Variants in FRMD4A observed in about 807,000 individuals in gnomAD.
The protein encoded by FRMD4A is FERM domain-containing protein 4A.
Under a neutral mutation model 129.1 loss-of-function variants are expected in FRMD4A, and 29 were observed. The observed-to-expected ratio is 0.22, with a 90% CI of 0.17 to 0.31. FRMD4A has a LOEUF of 0.31. Ranked by LOEUF, FRMD4A falls within the 10% of genes least tolerant of loss-of-function variation. The probability of loss-of-function intolerance (pLI) is 1.00; values close to 1 mark genes in which losing one functional copy is unlikely to be tolerated. For synonymous variants in FRMD4A, 634 were observed against 571.6 expected (o/e 1.11, Z -1.56); for missense variants, 1,272 against 1,375.8 (o/e 0.92, Z 1.19).
rs192914382 is a variant in FRMD4A at position 13,694,812 on chromosome 10, A to G, written c.976-773T>C. ...AGCTGTGATTGCACCATTGCACCCC[A>G]GCCTGGGCAACAAAGTGAGACCCTG... On this transcript the variant is annotated intron_variant, in intron 14 of 24. Coordinates refer to ENST00000357447, the MANE Select transcript of FRMD4A (RefSeq NM_018027.5). Among the ~76,000 whole-genome samples, 257 of 150,082 alleles carry G rather than the reference A, an allele frequency of 1.7e-3. 3 individuals carry two copies. The highest frequency in any genetic ancestry group is 6.1e-3 in the African/African-American group (248 of 40,972).
intron 2 of FRMD4A, among the ~76,000 whole-genome samples, chr10:14,185,617 G>GAT (rs10534116): frequency 1.3e-5 from 2 of 152,072 alleles, no homozygotes; most frequent in African/African-American, 4.8e-5. Flanking sequence ...ACAGAAAGGG[G>GAT]ATATATACTT....
At chr10:13,705,481 C>T (rs2087335176) in intron 13 of FRMD4A, among the ~76,000 whole-genome samples, 1 of 152,158 alleles carries the variant, frequency 6.6e-6, no homozygotes, top group Non-Finnish European at 1.5e-5. Context: ...CTTAGATTAC[C>T]CAGCCCCTCA....
chr10:13,893,592 G>A (rs149392834), intron 2 of FRMD4A, among the ~76,000 whole-genome samples: 526 of 151,972 alleles, frequency 3.5e-3, no homozygotes, highest in Middle Eastern at 6.8e-3. Context: ...GCACAATCTC[G>A]GCTCACTGCA....
intron 2 of FRMD4A, among the ~76,000 whole-genome samples, chr10:14,106,317 T>G (rs374783645): frequency 6.6e-6 from 1 of 152,192 alleles, no homozygotes; most frequent in East Asian, 1.9e-4. Context: ...TGAAACACTC[T>G]TAGTAGTCAT....
chr10:13,652,016 T>C (rs1324458526), intron 23 of FRMD4A, 42 bp from the exon 24 acceptor site: 4 of 1,051,034 alleles, frequency 3.8e-6, no homozygotes, highest in East Asian at 2.4e-5. Context: ...AGAGAGGTCA[T>C]GTTACAGAGA....
At chr10:13,884,158 A>C (rs77822566) in intron 2 of FRMD4A, among the ~76,000 whole-genome samples, 1 of 39,544 alleles carries the variant, frequency 2.5e-5, no homozygotes, top group African/African-American at 1.3e-4. Flanking sequence ...ACACACTCTC[A>C]CACACACACT....
At chr10:13,940,798 C>A (rs1269322924) in intron 2 of FRMD4A, among the ~76,000 whole-genome samples, 1 of 152,162 alleles carries the variant, frequency 6.6e-6, no homozygotes, top group African/African-American at 2.4e-5. Flanking sequence ...GTTTTCTTAT[C>A]TATAGATTCA....
At chr10:13,744,099 T>C (rs535579636) in intron 9 of FRMD4A, among the ~76,000 whole-genome samples, 1 of 152,212 alleles carries the variant, frequency 6.6e-6, no homozygotes, top group Admixed American at 6.5e-5. Context: ...GCATGGGTGA[T>C]GGAAGGGGAA....
intron 5 of FRMD4A, among the ~76,000 whole-genome samples, chr10:13,785,391 C>T (rs949513031): frequency 6.6e-6 from 1 of 152,082 alleles, no homozygotes; most frequent in African/African-American, 2.4e-5. Context: ...TAACCCCTGC[C>T]CCTGCCAAGC....
intron 2 of FRMD4A, among the ~76,000 whole-genome samples, chr10:14,133,729 T>C (rs1210250460): frequency 1.3e-5 from 2 of 152,098 alleles, no homozygotes; most frequent in Non-Finnish European, 2.9e-5. Context: ...TCACTACCCT[T>C]TTTGTCTAGA....
At chr10:13,895,503 A>G (rs547493625) in intron 2 of FRMD4A, among the ~76,000 whole-genome samples, 146 of 152,292 alleles carry the variant, frequency 9.6e-4, no homozygotes, top group African/African-American at 3.2e-3. Context: ...AGTACCTGGC[A>G]CAAGATCTCT....
intron 2 of FRMD4A, among the ~76,000 whole-genome samples, chr10:14,031,386 G>A (rs1053062155): frequency 3.3e-5 from 5 of 151,836 alleles, no homozygotes; most frequent in Admixed American, 2.0e-4. Context: ...TCCTGCCTTA[G>A]CCTCCTGAGT....
At chr10:14,321,859 A>G (rs969092543) in intron 2 of FRMD4A, among the ~76,000 whole-genome samples, 3 of 152,152 alleles carry the variant, frequency 2.0e-5, no homozygotes, top group African/African-American at 4.8e-5. Context: ...AGGTGATTGT[A>G]TCATGGGGGC....
chr10:13,712,523 AAAAG>A (rs2088128715), intron 12 of FRMD4A, among the ~76,000 whole-genome samples: 1 of 152,098 alleles, frequency 6.6e-6, no homozygotes, highest in African/African-American at 2.4e-5. Flanking sequence ...CAAAAAAAAA[AAAAG>A]AGCAACAACA....
intron 6 of FRMD4A, among the ~76,000 whole-genome samples, chr10:13,778,236 TAA>T (rs948692537): frequency 0.014 from 2,134 of 151,924 alleles, 97 homozygotes; most frequent in South Asian, 0.12. Flanking sequence ...CACATTTATT[TAA>T]AAAAAAAACC....
chr10:13,757,231 T>C (rs2091901580), intron 8 of FRMD4A, among the ~76,000 whole-genome samples: 1 of 152,266 alleles, frequency 6.6e-6, no homozygotes. Flanking sequence ...TAAAGAGAAA[T>C]GCCAACTCTA....
At chr10:13,809,710 T>A (rs1366700733) in intron 4 of FRMD4A, among the ~76,000 whole-genome samples, 1 of 152,188 alleles carries the variant, frequency 6.6e-6, no homozygotes, top group Non-Finnish European at 1.5e-5. Context: ...GTGGCTTTGC[T>A]CCTGCTGCCT....
intron 3 of FRMD4A, among the ~76,000 whole-genome samples, chr10:13,825,550 T>C (rs1012532039): frequency 2.0e-5 from 3 of 152,184 alleles, no homozygotes; most frequent in African/African-American, 7.2e-5. Context: ...AACAGTTTCA[T>C]CCTGAAACCA....
intron 12 of FRMD4A, among the ~76,000 whole-genome samples, chr10:13,712,361 A>C (rs1162656357): frequency 1.3e-5 from 2 of 152,152 alleles, no homozygotes; most frequent in Non-Finnish European, 2.9e-5. Context: ...ATCTCTACTA[A>C]AAATTAGCCA....
Sources: gnomAD v4.1 joint callset for allele counts (sites outside exome capture counted in the v4.1 genomes callset) on GRCh38, gnomAD v4.1.1 for gene constraint, MANE v1.5 for transcripts, NCBI Gene and HGNC (gene_info 2026-07-23, HGNC 2026-07-21) for gene names.